The following MYO5B variants were observed in gnomAD, a reference collection of about 807,000 sequenced individuals.
MYO5B encodes myosin VB, also known as unconventional myosin-Vb.
MYO5B carries 143 observed loss-of-function variants against 229.3 expected under a neutral mutation model. The observed-to-expected ratio is 0.62, with a 90% confidence interval of 0.54 to 0.72. The LOEUF (loss-of-function observed/expected upper bound fraction) is 0.72. Ranked by LOEUF, MYO5B falls within the 30% of genes least tolerant of loss-of-function variation. The pLI, the probability that MYO5B is intolerant of heterozygous loss-of-function variation, is 0.00. For synonymous variants in MYO5B, 918 were observed against 885.2 expected, an observed-to-expected ratio of 1.04 and a Z score of -0.66; for missense variants, 2,321 against 2,331.0, an observed-to-expected ratio of 1.00 and a Z score of 0.09.
intron 7 of MYO5B, among the ~76,000 whole-genome samples, chr18:49,985,438 G>T (rs747526817): frequency 2.6e-5 from 4 of 152,178 alleles, no homozygotes; most frequent in Non-Finnish European, 5.9e-5. Context: ...GGCCCAGGTG[G>T]TGTCTTAAAA....
intron 4 of MYO5B, among the ~76,000 whole-genome samples, chr18:50,010,740 T>C (rs767334596): frequency 2.0e-5 from 3 of 152,246 alleles, no homozygotes; most frequent in Admixed American, 6.5e-5. Context: ...GGGTGAACTA[T>C]GATATACACA....
chr18:50,100,027 G>C (rs906366475), intron 1 of MYO5B, among the ~76,000 whole-genome samples: 24 of 152,250 alleles, frequency 1.6e-4, no homozygotes, highest in Non-Finnish European at 5.9e-5. Context: ...CATCACTATA[G>C]GTGCCTTCCA....
chr18:50,149,172 A>G (rs2144299742), intron 1 of MYO5B, among the ~76,000 whole-genome samples: 1 of 152,372 alleles, frequency 6.6e-6, no homozygotes, highest in South Asian at 2.1e-4. Context: ...CCACTGCTCA[A>G]TGTAATCAAA....
At chr18:50,081,531 C>G (rs1368395528) in intron 1 of MYO5B, among the ~76,000 whole-genome samples, 1 of 152,122 alleles carries the variant, frequency 6.6e-6, no homozygotes, top group East Asian at 1.9e-4. Context: ...GGTACACAAT[C>G]CCTGCACTGT....
intron 14 of MYO5B, among the ~76,000 whole-genome samples, chr18:49,942,380 CAAAAAAAA>C (rs753691754): frequency 1.2e-4 from 4 of 32,746 alleles, no homozygotes; most frequent in African/African-American, 2.6e-4. Flanking sequence ...TTCTGCACAG[CAAAAAAAA>C]AAAAAAAAAA....
At chr18:49,888,630 T>G (rs2024673859) in intron 22 of MYO5B, among the ~76,000 whole-genome samples, 1 of 152,306 alleles carries the variant, frequency 6.6e-6, no homozygotes, top group East Asian at 1.9e-4. Context: ...AGCTTGTGAA[T>G]GGCTTCTCTT....
chr18:50,107,079 G>A (rs1039160173), intron 1 of MYO5B, among the ~76,000 whole-genome samples: 5 of 146,970 alleles, frequency 3.4e-5, no homozygotes, highest in African/African-American at 1.3e-4. Flanking sequence ...GAGATTGCCT[G>A]GTCCAGGGTT....
intron 12 of MYO5B, among the ~76,000 whole-genome samples, chr18:49,960,244 T>C (rs1051439329): frequency 6.6e-6 from 1 of 152,204 alleles, no homozygotes; most frequent in Non-Finnish European, 1.5e-5. Flanking sequence ...TCCTGTCTCA[T>C]GGGGTCACAG....
chr18:50,009,919 G>T (rs987405019), intron 4 of MYO5B, among the ~76,000 whole-genome samples: 2 of 152,132 alleles, frequency 1.3e-5, no homozygotes, highest in African/African-American at 4.8e-5. Flanking sequence ...AGCAGGTCCT[G>T]GGTTCCTGGG....
In MYO5B at chr18:49,938,864, C is replaced by A. The variant is rs199957004; in HGVS notation, c.1753-1467G>T. Among the ~76,000 whole-genome samples the A allele has an allele frequency of 2.6e-5, 4 of 151,916 alleles. No homozygotes were observed. In the East Asian group the frequency reaches 5.8e-4, roughly 22 times the overall value. On this transcript the variant is annotated intron_variant, in intron 14 of 39. Transcript: ENST00000285039. ...GCCCCTCTCTCAAGGTTGAGCCCTG[C>A]CCCTCCCGTGACCCTCTCCCAAAGC...
chr18:49,853,426 G>T, intron 31 of MYO5B, 23 bp downstream of exon 31: 2 of 1,613,368 alleles, frequency 1.2e-6, no homozygotes, highest in Non-Finnish European at 1.7e-6. Flanking sequence ...CAAAGCTGGG[G>T]TCCACTAGAC....
chr18:49,918,510 T>C (rs1200003099), intron 17 of MYO5B, among the ~76,000 whole-genome samples: 5 of 152,244 alleles, frequency 3.3e-5, no homozygotes, highest in Non-Finnish European at 2.9e-5. Flanking sequence ...ACCCATCCTT[T>C]CAGGTACTCC....
At chr18:50,167,721 G>A (rs1420660122) in intron 1 of MYO5B, among the ~76,000 whole-genome samples, 1 of 152,028 alleles carries the variant, frequency 6.6e-6, no homozygotes, top group Non-Finnish European at 1.5e-5. Context: ...AGCTTCCCCA[G>A]CTGAGAAAGG....
At chr18:49,906,683 C>T in intron 18 of MYO5B, 53 bp from the exon 19 acceptor site, 1 of 1,478,040 alleles carries the variant, frequency 6.8e-7, no homozygotes, top group Non-Finnish European at 9.4e-7. Context: ...AGAGAAATAA[C>T]ATGGCCCATA....
intron 1 of MYO5B, among the ~76,000 whole-genome samples, chr18:50,179,732 G>C (rs2033045883): frequency 6.6e-6 from 1 of 152,190 alleles, no homozygotes; most frequent in South Asian, 2.1e-4. Context: ...CATTATTCTG[G>C]TCCCCTAGTA....
chr18:50,113,488 A>T (rs1287447054), intron 1 of MYO5B, among the ~76,000 whole-genome samples: 1 of 152,236 alleles, frequency 6.6e-6, no homozygotes, highest in Non-Finnish European at 1.5e-5. Flanking sequence ...TGGACCATGG[A>T]ACACTGCTCT....
rs1333692369 is a variant in MYO5B, at chr18:49,823,790, A to T, written c.*2681T>A. The stretch of plus-strand genomic sequence containing the variant: ...TAATATGCTTGTCAGCTTCAGCAAC[A>T]ACTCATGTGTACATTCACATTTACT... On this transcript the variant is annotated 3_prime_UTR_variant, in exon 40 of 40. Coordinates refer to ENST00000285039, the MANE Select transcript of MYO5B (RefSeq NM_001080467.3). 1 of 152,516 alleles carries T rather than the reference A, an allele frequency of 6.6e-6. No individual in the cohort carries two copies. Among genetic ancestry groups the T allele is most frequent in the African/African-American group, 2.4e-5 (1 of 41,458 alleles). 9.4% of individuals were successfully genotyped at this position (152,516 alleles called of 1,614,324 possible). A position where few individuals can be genotyped will look rare whatever the true frequency, so the allele number is the denominator to read the frequency against.
intron 14 of MYO5B, among the ~76,000 whole-genome samples, chr18:49,947,346 C>A (rs563453406): frequency 2.1e-4 from 32 of 151,998 alleles, no homozygotes; most frequent in Non-Finnish European, 3.7e-4. Context: ...ACCTTGTGAT[C>A]CGCCTGCCTT....
chr18:49,934,906 A>C (rs1332409385), intron 16 of MYO5B, among the ~76,000 whole-genome samples: 1 of 152,206 alleles, frequency 6.6e-6, no homozygotes, highest in East Asian at 1.9e-4. Context: ...TATTTCACAG[A>C]AAGAAATTAT....
Sources: allele counts gnomAD v4.1 joint callset (sites outside exome capture counted in the v4.1 genomes callset), GRCh38; gene constraint gnomAD v4.1.1; transcripts MANE v1.5; gene names NCBI Gene and HGNC (gene_info 2026-07-23, HGNC 2026-07-21).